Variants in GLB1 observed in about 807,000 individuals in gnomAD.
GLB1 encodes galactosidase beta 1.
GLB1 carries 56 observed loss-of-function variants against 74.0 expected under a neutral mutation model. That is an observed-to-expected ratio of 0.76 (90% CI 0.61 to 0.94). The LOEUF (loss-of-function observed/expected upper bound fraction) is 0.94, where lower values mean the gene tolerates loss of function less well. Ranked by LOEUF, GLB1 falls within the 40% of genes least tolerant of loss-of-function variation. The pLI is 0.00. For missense variants in GLB1, 787 were observed against 845.5 expected (o/e 0.93, Z 0.86); for synonymous variants, 323 against 323.6 (o/e 1.00, Z 0.02).
intron 10 of GLB1, among the ~76,000 whole-genome samples, chr3:33,035,860 T>C (rs1698252227): frequency 6.6e-6 from 1 of 152,260 alleles, no homozygotes; most frequent in Admixed American, 6.5e-5. Flanking sequence ...TAGCCGATTA[T>C]ATCATTTTCT....
chr3:33,054,857 G>A (rs1401157483), intron 6 of GLB1, among the ~76,000 whole-genome samples: 2 of 152,116 alleles, frequency 1.3e-5, no homozygotes, highest in African/African-American at 4.8e-5. Context: ...GAGGAAGCAT[G>A]AGCAGTGTCC....
At chr3:32,967,966 C>T in the GLB1 span, among the ~76,000 whole-genome samples, 9 of 152,168 alleles carry the variant, frequency 5.9e-5, no homozygotes, top group African/African-American at 1.4e-4. Flanking sequence ...GGAGCTTGAT[C>T]ACCTCCCGGG....
At chr3:33,094,244 C>A in intron 1 of GLB1, 2 of 1,529,558 alleles carry the variant, frequency 1.3e-6, no homozygotes, top group African/African-American at 1.4e-5. Flanking sequence ...CTGGTGGACT[C>A]TGGAAATGAG....
rs115764170 is a variant in GLB1, at chr3:33,092,580, G to A, written c.75+4431C>T. ...TCCACATCATCTGGAAAATAGAGGG[G>A]AGTGCTAATATATGTGACCTTAGTG... On this transcript the variant is annotated intron_variant, in intron 1 of 15. Transcript: ENST00000307363. The A allele has an allele frequency of 5.6e-4, 703 of 1,255,356 alleles. 3 individuals carry two copies. The African/African-American group carries it at 8.7e-3, about 16-fold the overall frequency. 77.8% of individuals were successfully genotyped at this position (1,255,356 alleles called of 1,614,324 possible). A position where few individuals can be genotyped will look rare whatever the true frequency, so the allele number is the denominator to read the frequency against.
chr3:33,077,755 T>C (rs1238386809), intron 1 of GLB1, among the ~76,000 whole-genome samples: 1 of 151,522 alleles, frequency 6.6e-6, no homozygotes, highest in Non-Finnish European at 1.5e-5. Flanking sequence ...TGGGGAAAAA[T>C]ACCGATTCTG....
chr3:33,005,418 C>T (rs1287661791), intron 15 of GLB1, among the ~76,000 whole-genome samples: 28 of 152,206 alleles, frequency 1.8e-4, no homozygotes, highest in Admixed American at 1.8e-3. Context: ...TCTCCAAGGC[C>T]CAACTGCATG....
chr3:33,074,581 G>T (rs910753874), intron 1 of GLB1, among the ~76,000 whole-genome samples: 2 of 150,688 alleles, frequency 1.3e-5, no homozygotes, highest in Non-Finnish European at 2.9e-5. Flanking sequence ...TTAGGATTTT[G>T]AAAGGCAAGA....
At chr3:33,038,164 A>G (rs1268550733) in intron 10 of GLB1, 1 of 152,232 alleles carries the variant, frequency 6.6e-6, no homozygotes, top group African/African-American at 2.4e-5. Flanking sequence ...CTTAAAGAGA[A>G]AAATTCAAAT....
the GLB1 span, among the ~76,000 whole-genome samples, chr3:32,971,733 G>C: frequency 1.3e-5 from 2 of 152,174 alleles, no homozygotes; most frequent in Non-Finnish European, 2.9e-5. Flanking sequence ...AAACTCTATG[G>C]AGAAACGCCC....
chr3:33,093,104 G>A lies in GLB1; in HGVS notation c.75+3907C>T. 1 of 1,614,216 alleles carries A rather than the reference G, an allele frequency of 6.2e-7. No individual in the cohort carries two copies. The highest frequency in any genetic ancestry group is 8.5e-7 in the Non-Finnish European group (1 of 1,180,034). On this transcript the variant is annotated intron_variant, in intron 1 of 15. Coordinates refer to ENST00000307363, the MANE Select transcript of GLB1 (RefSeq NM_000404.4). The surrounding 1 kb of genome is among the most constrained non-coding windows in gnomAD (Gnocchi z 6.0). ...CCAGGGGCTGGTGAGCTAGCAAGAT[G>A]ATTGTGTGGTCTGGGCTGCAGCCCT...
the GLB1 span, among the ~76,000 whole-genome samples, chr3:32,977,690 A>T: frequency 6.6e-6 from 1 of 152,186 alleles, no homozygotes; most frequent in Non-Finnish European, 1.5e-5. Context: ...TTAAAATCCT[A>T]TGCCACTTGT....
chr3:33,087,016 C>A (rs1356127525), intron 1 of GLB1, among the ~76,000 whole-genome samples: 8 of 133,044 alleles, frequency 6.0e-5, no homozygotes, highest in African/African-American at 8.4e-5. Context: ...AAAAAAAAAT[C>A]AACAAAATTG....
chr3:33,096,927 C>A, intron 1 of GLB1, 84 bp downstream of exon 1: 1 of 1,546,790 alleles, frequency 6.5e-7, no homozygotes, highest in Non-Finnish European at 8.7e-7. Flanking sequence ...CCTGCGGGAC[C>A]GCGGGTGGCT....
At chr3:33,023,582 T>C (rs1030929949) in intron 11 of GLB1, among the ~76,000 whole-genome samples, 6 of 151,910 alleles carry the variant, frequency 3.9e-5, no homozygotes, top group Non-Finnish European at 7.4e-5. Flanking sequence ...TGTGAGTTAA[T>C]ACATGTAGGA....
At chr3:33,074,496 T>A (rs1358842275) in intron 1 of GLB1, among the ~76,000 whole-genome samples, 3 of 152,056 alleles carry the variant, frequency 2.0e-5, no homozygotes, top group African/African-American at 7.2e-5. Context: ...TATATTTGGT[T>A]GCAATGTAAG....
In GLB1 at chr3:33,093,753, C is replaced by A; in HGVS notation, c.75+3258G>T. On this transcript the variant is annotated intron_variant, in intron 1 of 15. Transcript: ENST00000307363. This position sits in a 1 kb window ranked among gnomAD's most constrained non-coding sequence, Gnocchi z 6.0. ...AAGGCTGCCCACGACCCTACCACTG[C>A]GCCAGGCCAAGAGCTGGTAGGCCTG... 1 of 1,613,736 alleles carries A rather than the reference C, an allele frequency of 6.2e-7. No individual in the cohort carries two copies. The highest frequency in any genetic ancestry group is 8.5e-7 in the Non-Finnish European group (1 of 1,179,822).
chr3:32,997,592 C>T (rs1696368490), intron 15 of GLB1, among the ~76,000 whole-genome samples: 2 of 152,158 alleles, frequency 1.3e-5, no homozygotes, highest in Admixed American at 6.5e-5. Context: ...CCCAAAGACC[C>T]ACTCCTGCTT....
At chr3:33,000,710 G>A (rs1480672439) in intron 15 of GLB1, among the ~76,000 whole-genome samples, 2 of 152,106 alleles carry the variant, frequency 1.3e-5, no homozygotes, top group Non-Finnish European at 2.9e-5. Flanking sequence ...CTGGGTGATA[G>A]AGCAAGACTC....
chr3:32,964,147 A>G, the GLB1 span, among the ~76,000 whole-genome samples: 5 of 152,328 alleles, frequency 3.3e-5, no homozygotes, highest in South Asian at 1.0e-3. Context: ...TAAACAGACT[A>G]TCATTGGAGG....
Sources: allele counts gnomAD v4.1 joint callset (sites outside exome capture counted in the v4.1 genomes callset), GRCh38; gene constraint gnomAD v4.1.1; non-coding constraint Gnocchi (gnomAD v3.1); transcripts MANE v1.5; gene names NCBI Gene and HGNC (gene_info 2026-07-23, HGNC 2026-07-21).